The following CRIM1 variants were observed in gnomAD, a reference collection of about 807,000 sequenced individuals.
CRIM1 encodes the protein cysteine-rich motor neuron 1 protein.
CRIM1 carries 32 observed loss-of-function variants against 116.4 expected under a neutral mutation model. That is an observed-to-expected ratio of 0.27 (90% confidence interval 0.21 to 0.37). CRIM1 has a LOEUF of 0.37. CRIM1 is among the 10% of genes least tolerant of loss of function. The pLI, the probability that CRIM1 is intolerant of heterozygous loss-of-function variation, is 1.00. For synonymous variants in CRIM1, 590 were observed against 509.2 expected (o/e 1.16, Z -2.13); for missense variants, 1,331 against 1,354.8 (o/e 0.98, Z 0.28).
intron 1 of CRIM1, among the ~76,000 whole-genome samples, chr2:36,362,707 A>G (rs1669306142): frequency 6.6e-6 from 1 of 152,190 alleles, no homozygotes; most frequent in African/African-American, 2.4e-5. Context: ...ACCTCTATGT[A>G]AGAATACCCT....
At chr2:36,459,208 C>T (rs1231171583) in intron 4 of CRIM1, among the ~76,000 whole-genome samples, 2 of 152,096 alleles carry the variant, frequency 1.3e-5, no homozygotes, top group East Asian at 3.9e-4. Context: ...TCCTGGAGAG[C>T]CTATTATATG....
At chr2:36,448,644 T>TTATTAAAATGAATGAACTTACCA (rs3836080) in intron 4 of CRIM1, among the ~76,000 whole-genome samples, 1 of 151,910 alleles carries the variant, frequency 6.6e-6, no homozygotes. Flanking sequence ...TTGTACCTTT[T>TTATTAAAATGAATGAACTTACCA]TATTATTGAC....
intron 2 of CRIM1, among the ~76,000 whole-genome samples, chr2:36,421,052 G>T (rs1257125644): frequency 2.0e-5 from 3 of 152,178 alleles, no homozygotes; most frequent in Non-Finnish European, 4.4e-5. Context: ...CAGTAGCATT[G>T]TAAAAACTAG....
chr2:36,433,151 T>C (rs1227947524), intron 2 of CRIM1, among the ~76,000 whole-genome samples: 1 of 152,192 alleles, frequency 6.6e-6, no homozygotes, highest in Non-Finnish European at 1.5e-5. Context: ...TCTCAAACTT[T>C]ACTGTGCATC....
At chr2:36,406,204 T>C (rs1672781054) in intron 2 of CRIM1, among the ~76,000 whole-genome samples, 1 of 152,236 alleles carries the variant, frequency 6.6e-6, no homozygotes, top group African/African-American at 2.4e-5. Flanking sequence ...GAGAGTATTA[T>C]ATAGCAGAGT....
intron 4 of CRIM1, among the ~76,000 whole-genome samples, chr2:36,458,864 T>C (rs1339788691): frequency 6.6e-6 from 1 of 152,214 alleles, no homozygotes; most frequent in Non-Finnish European, 1.5e-5. Flanking sequence ...GAAAACAGTC[T>C]GCAAGAGTTT....
chr2:36,495,471 ATTTATTTTTTTTT>A (rs1347377513), intron 7 of CRIM1, among the ~76,000 whole-genome samples: 17 of 134,220 alleles, frequency 1.3e-4, no homozygotes, highest in African/African-American at 3.6e-4. Context: ...TTATTTATTT[ATTTATTTTTTTTT>A]TTTTTTTTTT....
intron 15 of CRIM1, among the ~76,000 whole-genome samples, chr2:36,545,933 G>C (rs531068243): frequency 6.6e-6 from 1 of 152,188 alleles, no homozygotes; most frequent in East Asian, 1.9e-4. Context: ...TTTCTATAAA[G>C]TTTTATTGCC....
At chr2:36,395,319 A>G (rs1250325870) in intron 1 of CRIM1, among the ~76,000 whole-genome samples, 1 of 152,180 alleles carries the variant, frequency 6.6e-6, no homozygotes, top group Non-Finnish European at 1.5e-5. Flanking sequence ...GATTTTTAAG[A>G]TGGCATTTAT....
chr2:36,357,100 T>C (rs1244959769), intron 1 of CRIM1, among the ~76,000 whole-genome samples: 2 of 152,200 alleles, frequency 1.3e-5, no homozygotes, highest in Non-Finnish European at 2.9e-5. Context: ...GAGACGTGTC[T>C]CCAGCTCGCA....
Position 36,425,589 on chromosome 2 carries a change from C to T in CRIM1, c.506-15669C>T, listed in dbSNP as rs542391021. On this transcript the variant is annotated intron_variant, in intron 2 of 16. Transcript: ENST00000280527. ...TGCTTCACAATAACATAATTTGGAACGGAAATTAGATTCCAGAGTGCCCTT... is the reference window on the plus strand; with the variant it reads ...TGCTTCACAATAACATAATTTGGAATGGAAATTAGATTCCAGAGTGCCCTT... 4.6e-5 allele frequency among the ~76,000 whole-genome samples: 7 copies of T among 152,220 alleles called. No homozygotes were observed. In the East Asian group the frequency reaches 5.8e-4, roughly 13 times the overall value.
chr2:36,483,859 A>G (rs936910693), intron 7 of CRIM1, among the ~76,000 whole-genome samples: 2 of 152,346 alleles, frequency 1.3e-5, no homozygotes, highest in East Asian at 3.9e-4. Flanking sequence ...TACCTTAACC[A>G]GAGCGTCAAA....
chr2:36,407,414 A>G (rs1021889896), intron 2 of CRIM1, among the ~76,000 whole-genome samples: 1 of 152,190 alleles, frequency 6.6e-6, no homozygotes. Context: ...TTGACAGTTA[A>G]TATTTAAAAA....
intron 5 of CRIM1, among the ~76,000 whole-genome samples, chr2:36,474,653 T>TTCAAC (rs1678812673): frequency 6.6e-6 from 1 of 151,254 alleles, no homozygotes; most frequent in Non-Finnish European, 1.5e-5. Context: ...GTCAGAGGAG[T>TTCAAC]TCAAGACCAG....
intron 9 of CRIM1, among the ~76,000 whole-genome samples, chr2:36,510,417 C>T (rs1401983301): frequency 6.6e-6 from 1 of 152,168 alleles, no homozygotes; most frequent in African/African-American, 2.4e-5. Flanking sequence ...TTAGACACTG[C>T]TGGCAAGATT....
At chr2:36,398,201 T>C (rs370702275) in intron 2 of CRIM1, among the ~76,000 whole-genome samples, 1 of 152,208 alleles carries the variant, frequency 6.6e-6, no homozygotes, top group East Asian at 1.9e-4. Flanking sequence ...ATCATTACTT[T>C]TTGCTATTCT....
At chr2:36,471,770 A>G (rs1019645900) in intron 5 of CRIM1, among the ~76,000 whole-genome samples, 2 of 135,784 alleles carry the variant, frequency 1.5e-5, no homozygotes, top group African/African-American at 5.5e-5. Context: ...CCATCTTACA[A>G]TGTTTTAAGA....
intron 2 of CRIM1, among the ~76,000 whole-genome samples, chr2:36,403,881 T>C (rs909221084): frequency 2.0e-5 from 3 of 152,162 alleles, no homozygotes; most frequent in African/African-American, 7.2e-5. Context: ...GTTACAGGTC[T>C]GGAACTCAGA....
In CRIM1 at chr2:36,544,382, A is replaced by G. The variant is rs1429433974; in HGVS notation, c.2630A>G (p.Tyr877Cys). Residue 877 changes from tyrosine to cysteine, a missense_variant, in exon 15 of 17, where the codon TAT (tyrosine) becomes TGT (cysteine). Physicochemically the swap from Tyr to Cys is radical, Grantham distance 194. Coordinates refer to ENST00000280527, the MANE Select transcript of CRIM1 (RefSeq NM_016441.3). The stretch of plus-strand genomic sequence containing the variant: ...AAATGTTCCCTTCTTTTAGAAATGT[A>G]TGTCCCAGAACCAACCAATATACCC... The part of the protein sequence containing the change: ...GSCCPMCPEM[Y>C]VPEPTNIPIE... 2.2e-6 allele frequency: 3 copies of G among 1,350,612 alleles called. No individual in the cohort carries two copies. The highest frequency in any genetic ancestry group is 2.9e-6 in the Non-Finnish European group (3 of 1,041,380). 83.7% of individuals were successfully genotyped at this position (1,350,612 alleles called of 1,614,324 possible).
Sources: allele counts gnomAD v4.1 joint callset (sites outside exome capture counted in the v4.1 genomes callset), GRCh38; gene constraint gnomAD v4.1.1; transcripts MANE v1.5; gene names NCBI Gene and HGNC (gene_info 2026-07-23, HGNC 2026-07-21).